Variants in ARHGEF3 observed in about 807,000 individuals in gnomAD.
ARHGEF3 encodes Rho guanine nucleotide exchange factor 3.
In ARHGEF3, 28 loss-of-function variants were observed where a neutral mutation model predicts 63.2. That is an observed-to-expected ratio of 0.44 (90% confidence interval 0.33 to 0.61). The LOEUF (loss-of-function observed/expected upper bound fraction) is 0.61. ARHGEF3 is among the 20% of genes least tolerant of loss of function. The pLI is 0.03. For synonymous variants in ARHGEF3, 266 were observed against 254.2 expected (o/e 1.05, Z -0.44); for missense variants, 533 against 659.3 (o/e 0.81, Z 2.10).
At chr3:56,818,908 A>C (rs1274198484) in intron 4 of ARHGEF3, among the ~76,000 whole-genome samples, 1 of 152,226 alleles carries the variant, frequency 6.6e-6, no homozygotes, top group Non-Finnish European at 1.5e-5. Flanking sequence ...AGAGAGAGGA[A>C]AGAAGGTAAC....
chr3:56,773,653 T>G, intron 2 of ARHGEF3, 56 bp downstream of exon 2: 2 of 1,424,458 alleles, frequency 1.4e-6, no homozygotes, highest in East Asian at 4.9e-5. Context: ...GATGGGGATG[T>G]TCCTTCCCGT....
chr3:56,819,301 C>T (rs1292820353), intron 4 of ARHGEF3, among the ~76,000 whole-genome samples: 2 of 152,168 alleles, frequency 1.3e-5, no homozygotes, highest in African/African-American at 2.4e-5. Flanking sequence ...ATTTAAAAAG[C>T]TTTGTGTATC....
At chr3:57,004,227 G>A (rs1433692888) in intron 2 of ARHGEF3, among the ~76,000 whole-genome samples, 1 of 152,216 alleles carries the variant, frequency 6.6e-6, no homozygotes, top group Non-Finnish European at 1.5e-5. Flanking sequence ...GCCACAACTG[G>A]TTACAAAACC....
At chr3:56,906,836 CAA>C (rs573382270) in intron 3 of ARHGEF3, among the ~76,000 whole-genome samples, 4 of 96,764 alleles carry the variant, frequency 4.1e-5, no homozygotes, top group African/African-American at 3.9e-5. Flanking sequence ...GACTCTGTCT[CAA>C]AAAAAAAAAA....
In ARHGEF3 at chr3:56,745,190, A is replaced by C; in HGVS notation, c.870+15T>G. 6.2e-7 allele frequency: 1 copy of C among 1,608,582 alleles called. No individual in the cohort carries two copies. Among genetic ancestry groups the C allele is most frequent in the Non-Finnish European group, 8.5e-7 (1 of 1,176,406 alleles). On this transcript the variant is annotated intron_variant, in intron 7 of 9. Coordinates refer to ENST00000296315, the MANE Select transcript of ARHGEF3 (RefSeq NM_019555.3). Reference sequence around the variant, plus strand: ...GAAATAACAAGAAGAGAGAGAAGGAAACAGACAAACTTACAGCTTCTTCCA... The same window carrying C: ...GAAATAACAAGAAGAGAGAGAAGGACACAGACAAACTTACAGCTTCTTCCA...
intron 2 of ARHGEF3, among the ~76,000 whole-genome samples, chr3:57,000,255 C>G (rs920820221): frequency 2.0e-5 from 3 of 151,638 alleles, no homozygotes; most frequent in Non-Finnish European, 4.4e-5. Context: ...TACACTCTTA[C>G]AATAACCAGT....
intron 4 of ARHGEF3, among the ~76,000 whole-genome samples, chr3:56,858,512 T>G (rs113760789): frequency 0.017 from 2,655 of 152,284 alleles, 78 homozygotes; most frequent in African/African-American, 0.06. Flanking sequence ...ACAATGGCAG[T>G]CCCTGTCTGT....
rs538845395 is a variant in ARHGEF3, at chr3:57,055,115, G to T, written c.-27-19939C>A. 5.8e-4 allele frequency among the ~76,000 whole-genome samples: 88 copies of T among 150,760 alleles called. 3 individuals carry two copies. The South Asian group carries it at 0.017, about 29-fold the overall frequency. The stretch of plus-strand genomic sequence containing the variant: ...TCTCTTAATGGTGTCTCTTGAAGAA[G>T]AGTTCTTATTTTTAATGAAATATGA... On this transcript the variant is annotated intron_variant, in intron 1 of 12. Transcript: ENST00000338458.
At chr3:57,067,796 G>A (rs1344013433) in intron 1 of ARHGEF3, among the ~76,000 whole-genome samples, 8 of 149,944 alleles carry the variant, frequency 5.3e-5, no homozygotes, top group East Asian at 2.0e-4. Flanking sequence ...TGGCTAACAC[G>A]GTGAAACCCC....
intron 2 of ARHGEF3, among the ~76,000 whole-genome samples, chr3:56,988,135 T>TTGTGTTTTGTTTTTGTTTG (rs1439871609): frequency 6.6e-6 from 1 of 152,068 alleles, no homozygotes; most frequent in East Asian, 1.9e-4. Flanking sequence ...TTCTTTGGTT[T>TTGTGTTTTGTTTTTGTTTG]TGTGTTTTGT....
At chr3:56,735,284 AAAAC>A (rs564882157) in intron 8 of ARHGEF3, among the ~76,000 whole-genome samples, 14 of 152,282 alleles carry the variant, frequency 9.2e-5, no homozygotes, top group African/African-American at 2.2e-4. Flanking sequence ...ACTGTCTCAA[AAAAC>A]AAACAAACAA....
chr3:56,790,270 G>A (rs1047750027), intron 1 of ARHGEF3, among the ~76,000 whole-genome samples: 1 of 152,196 alleles, frequency 6.6e-6, no homozygotes, highest in Non-Finnish European at 1.5e-5. Context: ...ACTAATAAGA[G>A]AATGCAACAT....
intron 3 of ARHGEF3, among the ~76,000 whole-genome samples, chr3:56,917,596 T>C (rs2042020083): frequency 6.6e-6 from 1 of 152,108 alleles, no homozygotes; most frequent in African/African-American, 2.4e-5. Context: ...CAAAAAGTGC[T>C]GAGGGGTCCA....
At chr3:56,988,490 A>T in intron 2 of ARHGEF3, among the ~76,000 whole-genome samples, 1 of 152,196 alleles carries the variant, frequency 6.6e-6, no homozygotes, top group East Asian at 1.9e-4. Context: ...TGCCCAGCAC[A>T]TGATAAGAGC....
chr3:56,837,705 A>G (rs1381581020), intron 4 of ARHGEF3, among the ~76,000 whole-genome samples: 1 of 152,184 alleles, frequency 6.6e-6, no homozygotes, highest in Non-Finnish European at 1.5e-5. Context: ...AGGTCCTGAC[A>G]AACGGTTTCC....
rs777023361 is a variant in ARHGEF3, at chr3:56,729,362, T to A, written c.1489A>T (p.Met497Leu). 30 of 1,614,028 alleles carry A rather than the reference T, an allele frequency of 1.9e-5. No homozygotes were observed. Among genetic ancestry groups the A allele is most frequent in the Non-Finnish European group, 2.1e-5 (25 of 1,180,030 alleles). The change falls in exon 10 of 10, where the codon ATG (methionine) becomes TTG (leucine). Residue 497 changes from methionine to leucine, a missense_variant. By Grantham distance (15) the Met-to-Leu change is conservative. Transcript: ENST00000296315. ...DQSDSESDCS[M>L]DTSEVSLDCE... ...TCGAGGCTGACCTCACTCGTGTCCA[T>A]ACTACAGTCTGACTCACTGTCCGAT...
chr3:56,821,158 C>CA lies in ARHGEF3; in HGVS notation c.193-47343dup, dbSNP rs551061513. On this transcript the variant is annotated intron_variant, in intron 4 of 12. Coordinates refer to the ARHGEF3 transcript ENST00000338458. ...GGCAACAGAGTGAGAGACCCTGTCT[C>CA]AAAAAAAAATAAATAAATAAAAAAA... Among the ~76,000 whole-genome samples the CA allele has an allele frequency of 1.7e-3, 256 of 148,104 alleles. 2 individuals are homozygous for CA. The highest frequency in any genetic ancestry group is 5.3e-3 in the African/African-American group (214 of 40,292).
intron 2 of ARHGEF3, among the ~76,000 whole-genome samples, chr3:56,973,130 C>T (rs1056777582): frequency 3.9e-5 from 6 of 151,966 alleles, no homozygotes; most frequent in African/African-American, 1.5e-4. Context: ...CATTCTCCTG[C>T]CTCAGCCTCC....
At chr3:57,065,201 C>A (rs1287033728) in intron 1 of ARHGEF3, among the ~76,000 whole-genome samples, 3 of 152,216 alleles carry the variant, frequency 2.0e-5, no homozygotes, top group Non-Finnish European at 4.4e-5. Flanking sequence ...ACGCCTCACG[C>A]CTGTAATCCC....
Sources: allele counts gnomAD v4.1 joint callset (sites outside exome capture counted in the v4.1 genomes callset), GRCh38; gene constraint gnomAD v4.1.1; transcripts MANE v1.5; gene names NCBI Gene and HGNC (gene_info 2026-07-23, HGNC 2026-07-21).